The following C1QTNF3 variants were observed in gnomAD, a reference collection of about 807,000 sequenced individuals.
The protein encoded by C1QTNF3 is C1q and TNF related 3.
C1QTNF3 carries 26 observed loss-of-function variants against 32.6 expected under a neutral mutation model. That is an observed-to-expected ratio of 0.80 (90% CI 0.58 to 1.11). The LOEUF is 1.11. C1QTNF3 is among the 50% of genes least tolerant of loss of function. C1QTNF3 has a pLI of 0.00. For synonymous variants in C1QTNF3, 155 were observed against 146.0 expected (o/e 1.06, Z -0.44); for missense variants, 362 against 398.2 (o/e 0.91, Z 0.77).
intron 3 of C1QTNF3, among the ~76,000 whole-genome samples, chr5:34,031,673 A>G (rs563991308): frequency 6.6e-6 from 1 of 152,254 alleles, no homozygotes; most frequent in Non-Finnish European, 1.5e-5. Context: ...TCTCTACTAA[A>G]AATACAAAAA....
chr5:34,072,305 G>GT, the C1QTNF3 span, among the ~76,000 whole-genome samples: 1 of 148,172 alleles, frequency 6.7e-6, no homozygotes, highest in African/African-American at 2.5e-5. Flanking sequence ...AATTTTATCT[G>GT]TTTACATCTG....
the C1QTNF3 span, among the ~76,000 whole-genome samples, chr5:34,176,703 A>G: frequency 6.6e-6 from 1 of 151,904 alleles, no homozygotes; most frequent in South Asian, 2.1e-4. Flanking sequence ...CAAAAAGTAC[A>G]AAAGTTAGCC....
the C1QTNF3 span, among the ~76,000 whole-genome samples, chr5:34,155,196 A>C: frequency 3.9e-5 from 6 of 152,190 alleles, no homozygotes; most frequent in Non-Finnish European, 1.5e-5. Flanking sequence ...TGGTCCTATA[A>C]TTGGCTGTGT....
the C1QTNF3 span, among the ~76,000 whole-genome samples, chr5:34,229,675 C>T: frequency 1.3e-5 from 2 of 152,146 alleles, no homozygotes; most frequent in South Asian, 4.1e-4. Context: ...TGAAGACTTG[C>T]TCCTTCATTT....
At chr5:34,028,072 A>C (rs1268864226) in intron 4 of C1QTNF3, among the ~76,000 whole-genome samples, 1 of 152,080 alleles carries the variant, frequency 6.6e-6, no homozygotes, top group African/African-American at 2.4e-5. Context: ...TCCCGGGTTC[A>C]ACCCATTCTC....
At chr5:34,065,948 GACTGAATAAAGA>G in the C1QTNF3 span, among the ~76,000 whole-genome samples, 1 of 152,244 alleles carries the variant, frequency 6.6e-6, no homozygotes, top group East Asian at 1.9e-4. Flanking sequence ...ATCAGTGATG[GACTGAATAAAGA>G]AAATGTGATA....
At chr5:34,083,790 C>T in the C1QTNF3 span, among the ~76,000 whole-genome samples, 2 of 151,758 alleles carry the variant, frequency 1.3e-5, no homozygotes, top group African/African-American at 2.4e-5. Flanking sequence ...TGCATTATTT[C>T]ATTTACAATC....
chr5:34,084,812 T>TG, the C1QTNF3 span, among the ~76,000 whole-genome samples: 4 of 108,882 alleles, frequency 3.7e-5, no homozygotes, highest in African/African-American at 1.7e-4. Context: ...TTTTTTTGTT[T>TG]TTTTTCTGTG....
upstream of C1QTNF3, chr5:34,043,412 T>C: frequency 4.7e-6 from 2 of 421,324 alleles, no homozygotes; most frequent in Non-Finnish European, 4.3e-6. Flanking sequence ...CACGTTTCTG[T>C]TGAAGTGTGA....
At chr5:34,073,296 A>C in the C1QTNF3 span, among the ~76,000 whole-genome samples, 111 of 151,820 alleles carry the variant, frequency 7.3e-4, no homozygotes, top group African/African-American at 2.6e-3. Context: ...CACTGCACTC[A>C]AGCCTGGGCG....
At chr5:34,069,565 T>G in the C1QTNF3 span, among the ~76,000 whole-genome samples, 5 of 152,296 alleles carry the variant, frequency 3.3e-5, 1 homozygote, top group South Asian at 1.0e-3. Context: ...GACATGACAT[T>G]TCTCTCATAT....
chr5:34,211,398 T>G, the C1QTNF3 span, among the ~76,000 whole-genome samples: 1 of 150,754 alleles, frequency 6.6e-6, no homozygotes, highest in Non-Finnish European at 1.5e-5. Context: ...GTATACCCCC[T>G]TTTTTTTTAT....
At chr5:34,235,339 T>C in the C1QTNF3 span, among the ~76,000 whole-genome samples, 4 of 152,248 alleles carry the variant, frequency 2.6e-5, no homozygotes, top group South Asian at 8.3e-4. Flanking sequence ...TGTCAGTGTC[T>C]GGAGACATTT....
chr5:34,024,237 G>A (rs1301666003), intron 4 of C1QTNF3: 2 of 448,460 alleles, frequency 4.5e-6, no homozygotes, highest in Admixed American at 3.6e-5. Flanking sequence ...AAGTCTTTAA[G>A]GGAAGGAGCC....
the C1QTNF3 span, among the ~76,000 whole-genome samples, chr5:34,081,351 T>C: frequency 6.6e-6 from 1 of 151,748 alleles, no homozygotes; most frequent in African/African-American, 2.4e-5. Context: ...CATCTATTTA[T>C]GTTCAAGTAA....
the C1QTNF3 span, among the ~76,000 whole-genome samples, chr5:34,071,974 A>T: frequency 6.6e-6 from 1 of 151,722 alleles, no homozygotes; most frequent in South Asian, 2.1e-4. Context: ...ATTGCTGGGG[A>T]TGACCAACGT....
chr5:34,132,477 A>G, the C1QTNF3 span, among the ~76,000 whole-genome samples: 2 of 147,646 alleles, frequency 1.4e-5, no homozygotes, highest in African/African-American at 5.0e-5. Context: ...ATGGTGTAGC[A>G]GAACCAAAAT....
At chr5:34,030,655 C>T (rs1378543809) in intron 3 of C1QTNF3, among the ~76,000 whole-genome samples, 1 of 152,110 alleles carries the variant, frequency 6.6e-6, no homozygotes, top group Non-Finnish European at 1.5e-5. Context: ...TGTCACTATT[C>T]ACAATAGCAA....
chr5:34,139,178 G>A, the C1QTNF3 span, among the ~76,000 whole-genome samples: 2 of 151,310 alleles, frequency 1.3e-5, no homozygotes, highest in African/African-American at 2.4e-5. Flanking sequence ...AAATATGTGT[G>A]TATATATACA....
Sources: gnomAD v4.1 joint callset for allele counts (sites outside exome capture counted in the v4.1 genomes callset) on GRCh38, gnomAD v4.1.1 for gene constraint, MANE v1.5 for transcripts, NCBI Gene and HGNC (gene_info 2026-07-23, HGNC 2026-07-21) for gene names.